APBB3: variants seen among roughly 807,000 people sequenced by gnomAD.
APBB3 encodes the protein amyloid beta precursor protein binding family B member 3.
In APBB3, 50 loss-of-function variants were observed where a neutral mutation model predicts 61.5. The observed-to-expected ratio is 0.81, with a 90% CI of 0.65 to 1.03. The LOEUF is 1.03. Ranked by LOEUF, APBB3 falls within the 50% of genes least tolerant of loss-of-function variation. The pLI is 0.00. For missense variants in APBB3, 550 were observed against 637.4 expected (o/e 0.86, Z 1.48); for synonymous variants, 235 against 233.0 (o/e 1.01, Z -0.08).
intron 12 of APBB3, among the ~76,000 whole-genome samples, chr5:140,559,994 A>G (rs949980687): frequency 6.6e-6 from 1 of 152,256 alleles, no homozygotes; most frequent in South Asian, 2.1e-4. Flanking sequence ...TGAGACAAAC[A>G]GGAACAATGC....
rs760143977 is a variant in APBB3, at chr5:140,560,615, C to T, written c.1032+24G>A. The T allele has an allele frequency of 1.9e-6, 3 of 1,612,986 alleles. No individual in the cohort carries two copies. The highest frequency in any genetic ancestry group is 2.2e-5 in the South Asian group (2 of 91,046). On this transcript the variant is annotated intron_variant, in intron 11 of 12. Transcript: ENST00000357560. This position sits in a 1 kb window ranked among gnomAD's most constrained non-coding sequence, Gnocchi z 5.1. ...CATCCCTGCTCACCCCTCCAAAGCC[C>T]CCAACTTCACCCTCTTCTGGTACCT... is the stretch of plus-strand genomic sequence containing the variant.
chr5:140,562,702 A>G lies in APBB3; in HGVS notation c.312T>C (p.Gly104=). The G allele has an allele frequency of 6.2e-7, 1 of 1,614,146 alleles. No individual in the cohort carries two copies. Among genetic ancestry groups the G allele is most frequent in the South Asian group, 1.1e-5 (1 of 91,084 alleles). Reference sequence around the variant, plus strand: ...CCATGCTCTGGATGTAGGATTCCCCACCATACCAGGACAGAGAGTTACTGA... The same window carrying G: ...CCATGCTCTGGATGTAGGATTCCCCGCCATACCAGGACAGAGAGTTACTGA... The part of the protein sequence containing the change: ...LDRSNSLSWY[G]GESYIQSMEP... Residue 104 remains glycine (G), a synonymous_variant, in exon 4 of 13, where the codon GGT becomes GGC. Transcript: ENST00000357560.
At chr5:140,561,920 T>TGCTGA in intron 6 of APBB3, 71 bp from the exon 7 acceptor site, 2 of 1,612,676 alleles carry the variant, frequency 1.2e-6, no homozygotes, top group South Asian at 2.2e-5. Flanking sequence ...AAACTGTCCC[T>TGCTGA]GCTGAGCTGG....
chr5:140,560,342 G>GT lies in APBB3; in HGVS notation c.1194dup (p.Leu399ThrfsTer3), dbSNP rs1185799407. ...CAGGCAGCCTGCACAGCTTCAGAGA[G>GT]TCCCCCTGCATGGGGCTGGCACCAG... On this transcript the variant is annotated frameshift_variant, in exon 12 of 13. Transcript: ENST00000357560. LOFTEE classifies it high-confidence loss of function. The surrounding 1 kb of genome is among the most constrained non-coding windows in gnomAD (Gnocchi z 5.1). The GT allele has an allele frequency of 6.2e-7, 1 of 1,614,020 alleles. No homozygotes were observed. Among genetic ancestry groups the GT allele is most frequent in the African/African-American group, 1.3e-5 (1 of 74,852 alleles).
In APBB3 at chr5:140,560,806, G is replaced by A; in HGVS notation, c.917-52C>T. On this transcript the variant is annotated intron_variant, in intron 10 of 12. Coordinates refer to ENST00000357560, the MANE Select transcript of APBB3 (RefSeq NM_133173.3). This position sits in a 1 kb window ranked among gnomAD's most constrained non-coding sequence, Gnocchi z 5.1. ...CCAGTGTAAAAGAAAGAGTCTGCAG[G>A]GAGTGTCTAGCCCCCTCTCACTGAT... The A allele has an allele frequency of 6.5e-7, 1 of 1,537,840 alleles. No homozygotes were observed.
In APBB3 at chr5:140,564,287, T is replaced by C; in HGVS notation, c.-42A>G. 1.3e-6 allele frequency: 2 copies of C among 1,593,856 alleles called. No individual in the cohort carries two copies. Among genetic ancestry groups the C allele is most frequent in the Non-Finnish European group, 1.7e-6 (2 of 1,172,096 alleles). On this transcript the variant is annotated 5_prime_UTR_variant, in exon 1 of 13. Transcript: ENST00000357560. The surrounding 1 kb of genome is among the most constrained non-coding windows in gnomAD (Gnocchi z 5.0). ...CGCCAGCCTCTGCCGGCCCGCACTC[T>C]CAGCCCAGCGCGACCTCTGGAGCTA...
rs767868295 is a variant in APBB3 at position 140,562,604 on chromosome 5, C to T, written c.351+59G>A. The stretch of plus-strand genomic sequence containing the variant: ...CACCCTTGATCACCTCTGTTCAGTC[C>T]AATCCCACCCTTGTCTTTCCCTTGG... On this transcript the variant is annotated intron_variant, in intron 4 of 12. Transcript: ENST00000357560. 2.9e-5 allele frequency: 46 copies of T among 1,611,196 alleles called. 1 individual carries two copies. The South Asian group carries it at 4.3e-4, about 15-fold the overall frequency.
Position 140,563,924 on chromosome 5 carries a change from A to G in APBB3, c.50-9T>C. ...GTCCCCCCACAAGTCATCTACAGGA[A>G]CACCGGATTAGAGAGGAGGGAGCAT... is the stretch of plus-strand genomic sequence containing the variant. On this transcript the variant is annotated splice_polypyrimidine_tract_variant and intron_variant, in intron 1 of 12. Transcript: ENST00000357560. The G allele has an allele frequency of 6.2e-7, 1 of 1,612,712 alleles. No homozygotes were observed.
Position 140,562,377 on chromosome 5 carries a change from C to T in APBB3, c.474G>A (p.Gln158=). 1 of 1,614,124 alleles carries T rather than the reference C, an allele frequency of 6.2e-7. No individual in the cohort carries two copies. The highest frequency in any genetic ancestry group is 2.2e-5 in the East Asian group (1 of 44,886). The change falls in exon 5 of 13, where the codon CAG becomes CAA. Residue 158 remains glutamine (Q), a synonymous_variant. Transcript: ENST00000357560. ...CCTCACCCCAGGCACCATCTGGAGG[C>T]TGGCTCCGGCTGCGGGTCTGGGCCA... ...QQLAQTRSRS[Q]PPDGAWGEGQ...
In APBB3 at chr5:140,560,250, C is replaced by A; in HGVS notation, c.1224+63G>T. 1 of 1,555,088 alleles carries A rather than the reference C, an allele frequency of 6.4e-7. No individual in the cohort carries two copies. Among genetic ancestry groups the A allele is most frequent in the Non-Finnish European group, 8.8e-7 (1 of 1,141,006 alleles). On this transcript the variant is annotated intron_variant, in intron 12 of 12. Transcript: ENST00000357560. This position sits in a 1 kb window ranked among gnomAD's most constrained non-coding sequence, Gnocchi z 5.1. ...CTGAAGAGGCTGCCGACCCGGAGCC[C>A]AAGTAAACAGTGGAGAGCAGCTGCA...
rs1412492517 is a variant in APBB3, at chr5:140,560,516, A to C, written c.1033-12T>G. On this transcript the variant is annotated splice_polypyrimidine_tract_variant and intron_variant, in intron 11 of 12. Transcript: ENST00000357560. The surrounding 1 kb of genome is among the most constrained non-coding windows in gnomAD (Gnocchi z 5.1). ...GTACTGGCCTCTGCCTGCCCACACC[A>C]GGCCTAGTCACTAGAGGGCCAAGCA... 6.2e-7 allele frequency: 1 copy of C among 1,610,442 alleles called. No individual in the cohort carries two copies. Among genetic ancestry groups the C allele is most frequent in the East Asian group, 2.2e-5 (1 of 44,724 alleles).
Position 140,560,463 on chromosome 5 carries a change from A to G in APBB3, c.1074T>C (p.Pro358=). The G allele has an allele frequency of 6.2e-7, 1 of 1,614,162 alleles. No individual in the cohort carries two copies. Among genetic ancestry groups the G allele is most frequent in the African/African-American group, 1.3e-5 (1 of 75,058 alleles). Residue 358 remains proline, a synonymous_variant, in exon 12 of 13, where the codon CCT becomes CCC. Coordinates refer to ENST00000357560, the MANE Select transcript of APBB3 (RefSeq NM_133173.3). The surrounding 1 kb of genome is among the most constrained non-coding windows in gnomAD (Gnocchi z 5.1). ...STEEEPLWQC[P]VRLVTFIGVG... ...CACCAATAAATGTCACAAGGCGCAC[A>G]GGGCACTGCCACAATGGCTCCTCCT...
intron 3 of APBB3, chr5:140,563,289 T>A (rs1163094224): frequency 2.3e-6 from 1 of 444,408 alleles, no homozygotes; most frequent in East Asian, 4.8e-5. Context: ...GGGTCCAATA[T>A]GTGGACCAGA....
In APBB3 at chr5:140,563,669, C is replaced by T. The variant is rs1481937257; in HGVS notation, c.215G>A (p.Gly72Glu). Residue 72 changes from glycine to glutamate, a missense_variant and splice_region_variant, in exon 3 of 13, where the codon GGA becomes GAA. By Grantham distance (98) the Gly-to-Glu change is moderately conservative. Coordinates refer to ENST00000357560, the MANE Select transcript of APBB3 (RefSeq NM_133173.3). ...ELGDAEDPGTGTEGIWGLRPP... is the reference protein window; with the variant it reads ...ELGDAEDPGTETEGIWGLRPP... Reference sequence around the variant, plus strand: ...CCGCAGTCCCCAGATCCCCTCCGTTCCCTGTAGAGTGGGAGTTAGTCAGTT... The same window carrying T: ...CCGCAGTCCCCAGATCCCCTCCGTTTCCTGTAGAGTGGGAGTTAGTCAGTT... 1 of 1,614,174 alleles carries T rather than the reference C, an allele frequency of 6.2e-7. No homozygotes were observed.
At chr5:140,562,976 G>A (rs971948596) in intron 3 of APBB3, 19 of 499,608 alleles carry the variant, frequency 3.8e-5, no homozygotes, top group African/African-American at 3.5e-4. Flanking sequence ...AGGTGCAGTG[G>A]TGGCTCACGC....
chr5:140,561,768 A>G, intron 7 of APBB3, 67 bp from the exon 8 acceptor site: 1 of 1,613,990 alleles, frequency 6.2e-7, no homozygotes, highest in Non-Finnish European at 8.5e-7. Context: ...GGAGGCTGGA[A>G]AGTCAGGCTA....
rs376331384 is a variant in APBB3 at position 140,558,589 on chromosome 5, G to A, written c.1457C>T (p.Pro486Leu). 24 of 1,614,000 alleles carry A rather than the reference G, an allele frequency of 1.5e-5. No homozygotes were observed. Among genetic ancestry groups the A allele is most frequent in the Non-Finnish European group, 1.9e-5 (22 of 1,179,952 alleles). ...CCCCAGCCTTCCCAGATAAGTTTAGGGCATATGGAGCAGAGAGGGTTTCAG... is the reference window on the plus strand; with the variant it reads ...CCCCAGCCTTCCCAGATAAGTTTAGAGCATATGGAGCAGAGAGGGTTTCAG... Reference protein sequence around the residue: ...FRLKPSLLHMP With the variant: ...FRLKPSLLHML The change falls in exon 13 of 13, where the codon CCC (proline) becomes CTC (leucine). Residue 486 changes from proline (P) to leucine (L), a missense_variant. Pro to Leu is a moderately conservative substitution (Grantham distance 98). This residue lies in a region of APBB3 where 138 missense variants were observed against 132.6 expected (regional missense o/e 1.04). Coordinates refer to ENST00000357560, the MANE Select transcript of APBB3 (RefSeq NM_133173.3).
chr5:140,558,918 A>AT (rs776792015), intron 12 of APBB3, 97 bp from the exon 13 acceptor site: 132 of 1,122,684 alleles, frequency 1.2e-4, no homozygotes, highest in Admixed American at 5.8e-4. Flanking sequence ...CTTCTGTCTG[A>AT]TAACAAGGTT....
rs185656846 is a variant in APBB3 at position 140,561,710 on chromosome 5, G to A, written c.633-9C>T. ...CCACAAAAGCGAAGTCCCTAGCAGG[G>A]GCAGAGATGGGGCTGGGGTAGAAGC... On this transcript the variant is annotated splice_polypyrimidine_tract_variant and intron_variant, in intron 7 of 12. Transcript: ENST00000357560. The A allele has an allele frequency of 2.8e-5, 45 of 1,614,180 alleles. No homozygotes were observed. The highest frequency in any genetic ancestry group is 4.5e-5 in the East Asian group (2 of 44,880).
Sources: allele counts gnomAD v4.1 joint callset (sites outside exome capture counted in the v4.1 genomes callset), GRCh38; gene constraint gnomAD v4.1.1; regional missense constraint gnomAD v4.1.1; non-coding constraint Gnocchi (gnomAD v3.1); transcripts MANE v1.5; gene names NCBI Gene and HGNC (gene_info 2026-07-23, HGNC 2026-07-21).